The following ITSN1 variants were observed in gnomAD, a reference collection of about 807,000 sequenced individuals.
ITSN1 encodes intersectin-1.
A neutral mutation model predicts 239.8 loss-of-function variants in ITSN1; 58 were observed. That is an observed-to-expected ratio of 0.24 (90% CI 0.20 to 0.30). The LOEUF is 0.30. Ranked by LOEUF, ITSN1 falls within the 10% of genes least tolerant of loss-of-function variation. The probability of loss-of-function intolerance (pLI) is 1.00; values close to 1 mark genes in which losing one functional copy is unlikely to be tolerated. For synonymous variants in ITSN1, 780 were observed against 770.8 expected, an observed-to-expected ratio of 1.01 and a Z score of -0.20; for missense variants, 1,558 against 2,103.3, an observed-to-expected ratio of 0.74 and a Z score of 5.07.
intron 5 of ITSN1, among the ~76,000 whole-genome samples, chr21:33,746,821 A>G (rs1044419909): frequency 5.3e-5 from 8 of 152,150 alleles, no homozygotes; most frequent in African/African-American, 1.9e-4. Context: ...CAGCCTGGGA[A>G]ACAAGAGTGA....
At position 33,671,818 on chromosome 21, in the gene ITSN1, C is replaced by T. The variant is rs1418393266; in HGVS notation, c.-33+29105C>T. ...AATAAATAAATAAATAAATAAATAA[C>T]TTACAATAATAATTACTTGAATCTC... On this transcript the variant is annotated intron_variant, in intron 1 of 39. Coordinates refer to ENST00000381318, the MANE Select transcript of ITSN1 (RefSeq NM_003024.3). Among the ~76,000 whole-genome samples, 3 of 152,044 alleles carry T rather than the reference C, an allele frequency of 2.0e-5. No homozygotes were observed. In the East Asian group the frequency reaches 5.8e-4, roughly 29 times the overall value.
At position 33,769,736 on chromosome 21, in the gene ITSN1, C is replaced by G. The variant is rs553743268; in HGVS notation, c.1042+1908C>G. Among the ~76,000 whole-genome samples the G allele has an allele frequency of 9.9e-5, 15 of 151,444 alleles. 1 individual carries two copies. The South Asian group carries it at 3.1e-3, about 31-fold the overall frequency. ...TGAGACGGTTGTTTCGCTCTTGTTGCCCAGGCTGGAGTGCAATGGCGTAAT... is the reference window on the plus strand; with the variant it reads ...TGAGACGGTTGTTTCGCTCTTGTTGGCCAGGCTGGAGTGCAATGGCGTAAT... On this transcript the variant is annotated intron_variant, in intron 11 of 39. Transcript: ENST00000381318.
intron 5 of ITSN1, among the ~76,000 whole-genome samples, chr21:33,736,399 G>A (rs183840528): frequency 1.1e-4 from 16 of 150,712 alleles, no homozygotes; most frequent in Non-Finnish European, 1.9e-4. Flanking sequence ...CTTTTAGTAA[G>A]TTTTAGCCAC....
chr21:33,683,559 A>AAT (rs1173764676), intron 1 of ITSN1, among the ~76,000 whole-genome samples: 8 of 152,048 alleles, frequency 5.3e-5, no homozygotes, highest in Middle Eastern at 3.4e-3. Flanking sequence ...CAGTGCTGGA[A>AAT]ATCCACCCTG....
intron 1 of ITSN1, among the ~76,000 whole-genome samples, chr21:33,673,039 C>CA (rs759736357): frequency 4.6e-5 from 7 of 150,776 alleles, no homozygotes; most frequent in Non-Finnish European, 1.0e-4. Context: ...TGTTGCCAGA[C>CA]AAAAAAAATA....
Position 33,897,844 on chromosome 21 carries a change from C to T in ITSN1, c.*9544C>T, listed in dbSNP as rs1986869449. 6.6e-6 allele frequency: 1 copy of T among 151,990 alleles called. No homozygotes were observed. The highest frequency in any genetic ancestry group is 2.1e-4 in the South Asian group (1 of 4,824). 9.4% of individuals were successfully genotyped at this position (151,990 alleles called of 1,614,324 possible). A position where few individuals can be genotyped will look rare whatever the true frequency, so the allele number is the denominator to read the frequency against. ...GCTTAATGAGATTACTTGGGTTCAA[C>T]TCAACTAAATTTCTTATATTAAAAA... On this transcript the variant is annotated 3_prime_UTR_variant, in exon 40 of 40. Coordinates refer to ENST00000381318, the MANE Select transcript of ITSN1 (RefSeq NM_003024.3).
At chr21:33,819,361 C>G (rs950249779) in intron 24 of ITSN1, 38 bp downstream of exon 24, 2 of 1,427,080 alleles carry the variant, frequency 1.4e-6, no homozygotes, top group East Asian at 2.3e-5. Flanking sequence ...TCAGAAGGGT[C>G]AAGGACATTG....
At chr21:33,846,192 G>A in intron 29 of ITSN1, among the ~76,000 whole-genome samples, 1 of 152,024 alleles carries the variant, frequency 6.6e-6, no homozygotes, top group Non-Finnish European at 1.5e-5. Flanking sequence ...GAATTCTTGA[G>A]TCTCATTTAA....
In ITSN1 at chr21:33,735,465, C is replaced by T; in HGVS notation, c.346+261C>T. On this transcript the variant is annotated intron_variant, in intron 5 of 39. Coordinates refer to ENST00000381318, the MANE Select transcript of ITSN1 (RefSeq NM_003024.3). ...GGAAAAGGAAGAAACTTACAGTCCG[C>T]TGCTGCAGCTTCTGGGTTTTTTTTT... 1.4e-5 allele frequency: 6 copies of T among 415,886 alleles called. No homozygotes were observed. In the South Asian group the frequency reaches 1.6e-4, roughly 11 times the overall value. The allele number at this position is 415,886 out of a possible 1,614,324, so 25.8% of individuals were successfully genotyped here.
chr21:33,722,512 A>G (rs1370982576), intron 3 of ITSN1, 76 bp from the exon 4 acceptor site: 2 of 1,463,832 alleles, frequency 1.4e-6, no homozygotes, highest in African/African-American at 3.0e-5. Flanking sequence ...AAATTTTGTA[A>G]TTTTGCTATT....
chr21:33,715,286 A>G (rs1488111800), intron 1 of ITSN1, among the ~76,000 whole-genome samples: 1 of 152,092 alleles, frequency 6.6e-6, no homozygotes, highest in Non-Finnish European at 1.5e-5. Context: ...AGAGATTCAT[A>G]TGTGAGACTA....
intron 33 of ITSN1, among the ~76,000 whole-genome samples, chr21:33,873,397 T>A (rs1266279812): frequency 3.3e-5 from 5 of 152,224 alleles, no homozygotes; most frequent in African/African-American, 1.2e-4. Context: ...AGGGTGATAA[T>A]TGTTTTTAGG....
At chr21:33,750,990 C>T (rs1331428258) in intron 6 of ITSN1, among the ~76,000 whole-genome samples, 1 of 152,138 alleles carries the variant, frequency 6.6e-6, no homozygotes, top group East Asian at 1.9e-4. Flanking sequence ...TCAGTATTGA[C>T]GACATGGGTT....
At chr21:33,881,050 C>T (rs1244127855) in intron 34 of ITSN1, among the ~76,000 whole-genome samples, 2 of 151,784 alleles carry the variant, frequency 1.3e-5, no homozygotes, top group South Asian at 2.1e-4. Flanking sequence ...GCGGGTGAGT[C>T]GGGTGAGGTT....
In ITSN1 at chr21:33,876,145, C is replaced by CTT. The variant is rs751151398; in HGVS notation, c.4341+626_4341+627dup. Among the ~76,000 whole-genome samples the CTT allele has an allele frequency of 1.2e-4, 3 of 24,354 alleles. No homozygotes were observed. The African/African-American group carries it at 1.5e-3, about 12-fold the overall frequency. 16.0% of individuals were successfully genotyped at this position (24,354 alleles called of 152,430 possible). ...TCTTTCTTTCTTTCTTTCTTTCTTTCTTTCTTTCTCTCTCTCCCTCTTTCT... is the reference window on the plus strand; with the variant it reads ...TCTTTCTTTCTTTCTTTCTTTCTTTCTTTTTCTTTCTCTCTCTCCCTCTTTCT... On this transcript the variant is annotated intron_variant, in intron 34 of 39. Coordinates refer to ENST00000381318, the MANE Select transcript of ITSN1 (RefSeq NM_003024.3).
chr21:33,729,865 C>T (rs2066060534), intron 4 of ITSN1, among the ~76,000 whole-genome samples: 1 of 152,126 alleles, frequency 6.6e-6, no homozygotes, highest in Non-Finnish European at 1.5e-5. Flanking sequence ...ACTCAGCTTT[C>T]AGGGACTCAG....
chr21:33,887,338 G>A (rs1985953523), intron 39 of ITSN1, among the ~76,000 whole-genome samples: 1 of 151,050 alleles, frequency 6.6e-6, no homozygotes, highest in Admixed American at 6.6e-5. Context: ...AAAAATCACA[G>A]AGTAAGTTAA....
intron 4 of ITSN1, among the ~76,000 whole-genome samples, chr21:33,723,605 C>T (rs1015760288): frequency 6.6e-6 from 1 of 152,128 alleles, no homozygotes; most frequent in South Asian, 2.1e-4. Context: ...CAGAGCGAGA[C>T]TCCGTCTCCA....
At chr21:33,648,814 T>A (rs572425723) in intron 1 of ITSN1, among the ~76,000 whole-genome samples, 1 of 150,854 alleles carries the variant, frequency 6.6e-6, no homozygotes, top group African/African-American at 2.4e-5. Flanking sequence ...CTGGGCAACA[T>A]AGTGAGATCT....
Sources: gnomAD v4.1 joint callset for allele counts (sites outside exome capture counted in the v4.1 genomes callset) on GRCh38, gnomAD v4.1.1 for gene constraint, MANE v1.5 for transcripts, NCBI Gene and HGNC (gene_info 2026-07-23, HGNC 2026-07-21) for gene names.